SI: variants seen among roughly 807,000 people sequenced by gnomAD.
SI encodes the protein sucrase-isomaltase.
SI carries 235 observed loss-of-function variants against 253.3 expected under a neutral mutation model. The ratio of observed to expected loss-of-function variants is 0.93; its 90% confidence interval spans 0.83 to 1.03. The LOEUF (loss-of-function observed/expected upper bound fraction) is 1.03, where lower values mean the gene tolerates loss of function less well. Among genes scored for constraint, SI ranks in the 50% least tolerant of loss-of-function variants. The pLI, the probability that SI is intolerant of heterozygous loss-of-function variation, is 0.00. For synonymous variants in SI, 819 were observed against 712.0 expected (o/e 1.15, Z -2.39); for missense variants, 2,442 against 2,211.1 (o/e 1.10, Z -2.09).
intron 16 of SI, among the ~76,000 whole-genome samples, chr3:165,043,588 T>C (rs904259006): frequency 3.3e-5 from 5 of 152,056 alleles, no homozygotes; most frequent in Non-Finnish European, 5.9e-5. Context: ...ACTGTGACCA[T>C]GTGTTCATGT....
chr3:165,089,455 C>A, the SI span, among the ~76,000 whole-genome samples: 7 of 152,048 alleles, frequency 4.6e-5, no homozygotes, highest in African/African-American at 9.7e-5. Context: ...TACAGACACT[C>A]ACAACTGGAA....
intron 32 of SI, 87 bp from the exon 33 acceptor site, chr3:165,015,320 CT>C: frequency 1.2e-6 from 1 of 841,124 alleles, no homozygotes; most frequent in East Asian, 2.6e-5. Flanking sequence ...GTTTTCATTA[CT>C]ACATTATCAT....
intron 40 of SI, among the ~76,000 whole-genome samples, chr3:164,995,832 A>G (rs1038030059): frequency 6.6e-6 from 1 of 151,784 alleles, no homozygotes; most frequent in Non-Finnish European, 1.5e-5. Flanking sequence ...ATGGTCTATT[A>G]TTTATATCCC....
At chr3:164,986,916 C>T (rs947676107) in intron 45 of SI, among the ~76,000 whole-genome samples, 1 of 152,168 alleles carries the variant, frequency 6.6e-6, no homozygotes, top group African/African-American at 2.4e-5. Context: ...TACCTAGACA[C>T]TTACCATAGG....
At chr3:165,058,711 A>C (rs1177366822) in intron 12 of SI, among the ~76,000 whole-genome samples, 1 of 151,986 alleles carries the variant, frequency 6.6e-6, no homozygotes, top group African/African-American at 2.4e-5. Context: ...CAATCTACTA[A>C]GATTAAACCA....
Position 165,068,796 on chromosome 3 carries a change from T to G in SI, c.409A>C (p.Thr137Pro). ...CTGTTGATGTCATTTCCAAATAGTG[T>G]AGGTGAAGGTATCCTGTTTAATTTG... is the stretch of plus-strand genomic sequence containing the variant. ...EAKLNRIPSP[T>P]LFGNDINSVL... Residue 137 changes from threonine (T) to proline (P), a missense_variant, in exon 5 of 48, where the codon ACA becomes CCA. Coordinates refer to ENST00000264382, the MANE Select transcript of SI (RefSeq NM_001041.4). 6.2e-7 allele frequency: 1 copy of G among 1,613,472 alleles called. No homozygotes were observed. The highest frequency in any genetic ancestry group is 8.5e-7 in the Non-Finnish European group (1 of 1,179,706).
chr3:165,036,352 A>C lies in SI; in HGVS notation c.2515+37T>G, dbSNP rs975952651. 9 of 1,395,450 alleles carry C rather than the reference A, an allele frequency of 6.4e-6. No individual in the cohort carries two copies. In the East Asian group the frequency reaches 1.8e-4, roughly 29 times the overall value. The allele number at this position is 1,395,450 out of a possible 1,614,324, so 86.4% of individuals were successfully genotyped here. A position where few individuals can be genotyped will look rare whatever the true frequency, so the allele number is the denominator to read the frequency against. On this transcript the variant is annotated intron_variant, in intron 22 of 47. Transcript: ENST00000264382. ...AATAAAGCCAAAACTTCCCATTATC[A>C]GAGTGAACATTTAAAGCGTATTACT...
At chr3:164,994,524 A>G in intron 40 of SI, 119 bp from the exon 41 acceptor site, 1 of 1,027,272 alleles carries the variant, frequency 9.7e-7, no homozygotes, top group Admixed American at 2.0e-5. Context: ...GTCATGTGCT[A>G]TGTACTTTCT....
At position 165,048,582 on chromosome 3, in the gene SI, TATAG is replaced by T. The variant is rs1310085814; in HGVS notation, c.1715+541_1715+544del. 1.3e-3 allele frequency among the ~76,000 whole-genome samples: 148 copies of T among 111,696 alleles called. No individual in the cohort carries two copies. The East Asian group carries it at 0.018, about 14-fold the overall frequency. 73.3% of individuals were successfully genotyped at this position (111,696 alleles called of 152,430 possible). On this transcript the variant is annotated intron_variant, in intron 15 of 47. Transcript: ENST00000264382. The stretch of plus-strand genomic sequence containing the variant: ...ATATATATATGTATATATATATATA[TATAG>T]AGAGAGAGAGAGAGAGAGAGAGTCA...
chr3:165,048,567 GTATATATATATATAT>G (rs1713250853), intron 15 of SI, among the ~76,000 whole-genome samples: 3 of 123,848 alleles, frequency 2.4e-5, no homozygotes, highest in African/African-American at 9.1e-5. Flanking sequence ...ATATATATAT[GTATATATATATATAT>G]ATAGAGAGAG....
rs1353211952 is a variant in SI at position 165,064,468 on chromosome 3, T to A, written c.807+793A>T. Among the ~76,000 whole-genome samples, 5 of 152,116 alleles carry A rather than the reference T, an allele frequency of 3.3e-5. No homozygotes were observed. The East Asian group carries it at 9.6e-4, about 29-fold the overall frequency. ...ACTCTTTAAAACAACTACTCACTGG[T>A]TTATCTTTGATATAGAAATAGTTAG... On this transcript the variant is annotated intron_variant, in intron 7 of 47. Transcript: ENST00000264382.
intron 46 of SI, 68 bp from the exon 47 acceptor site, chr3:164,982,478 T>C (rs1157671251): frequency 1.6e-6 from 2 of 1,218,098 alleles, no homozygotes; most frequent in Non-Finnish European, 2.4e-6. Context: ...TTTAAAAATA[T>C]GTCGGTTAAC....
intron 12 of SI, among the ~76,000 whole-genome samples, chr3:165,058,474 A>C (rs1407788339): frequency 1.3e-5 from 2 of 152,006 alleles, no homozygotes; most frequent in Admixed American, 6.6e-5. Flanking sequence ...CAAACAGTAC[A>C]AAACAGCAAC....
At chr3:165,012,385 T>C (rs1312418632) in intron 34 of SI, among the ~76,000 whole-genome samples, 1 of 152,090 alleles carries the variant, frequency 6.6e-6, no homozygotes, top group Non-Finnish European at 1.5e-5. Context: ...AGAGGGTAGA[T>C]CTAATGTTAA....
At chr3:164,993,494 G>T (rs1333339602) in intron 41 of SI, among the ~76,000 whole-genome samples, 2 of 151,526 alleles carry the variant, frequency 1.3e-5, no homozygotes, top group Non-Finnish European at 3.0e-5. Context: ...GTAAATATTT[G>T]CCTTTTTTAA....
intron 41 of SI, among the ~76,000 whole-genome samples, chr3:164,993,995 ACCTT>A (rs1576872686): frequency 1.3e-5 from 2 of 151,854 alleles, no homozygotes; most frequent in East Asian, 3.9e-4. Context: ...GTAGAACAAT[ACCTT>A]GTATACAGTA....
chr3:165,064,651 G>A (rs1428394377), intron 7 of SI, among the ~76,000 whole-genome samples: 1 of 151,930 alleles, frequency 6.6e-6, no homozygotes, highest in Non-Finnish European at 1.5e-5. Flanking sequence ...TACACTAATA[G>A]GATTATTATA....
rs151298149 is a variant in SI, at chr3:164,999,794, A to G, written c.4407-1121T>C. Among the ~76,000 whole-genome samples, 112 of 151,782 alleles carry G rather than the reference A, an allele frequency of 7.4e-4. 2 individuals carry two copies. The highest frequency in any genetic ancestry group is 2.3e-3 in the African/African-American group (97 of 41,534). On this transcript the variant is annotated intron_variant, in intron 37 of 47. Coordinates refer to ENST00000264382, the MANE Select transcript of SI (RefSeq NM_001041.4). ...ACAAATGTCTCAAGTCAAAAGTGCA[A>G]GCAACTAAAAATGTGTTAAACAGAC...
At chr3:165,066,044 G>A (rs543452183) in intron 6 of SI, among the ~76,000 whole-genome samples, 2 of 151,780 alleles carry the variant, frequency 1.3e-5, no homozygotes, top group African/African-American at 4.8e-5. Flanking sequence ...AACCAACCAG[G>A]GATGGAAACT....
Sources: allele counts gnomAD v4.1 joint callset (sites outside exome capture counted in the v4.1 genomes callset), GRCh38; gene constraint gnomAD v4.1.1; transcripts MANE v1.5; gene names NCBI Gene and HGNC (gene_info 2026-07-23, HGNC 2026-07-21).